The following PHF11 variants were observed in gnomAD, a reference collection of about 807,000 sequenced individuals.
PHF11 encodes the protein PHD finger protein 11.
PHF11 carries 38 observed loss-of-function variants against 40.5 expected under a neutral mutation model. The ratio of observed to expected loss-of-function variants is 0.94; its 90% CI spans 0.72 to 1.23. The LOEUF (loss-of-function observed/expected upper bound fraction) is 1.23. PHF11 is among the 50% of genes most tolerant of loss of function. PHF11 has a pLI of 0.00. For synonymous variants in PHF11, 127 were observed against 138.2 expected, an observed-to-expected ratio of 0.92 and a Z score of 0.57; for missense variants, 369 against 392.4, an observed-to-expected ratio of 0.94 and a Z score of 0.50.
intron 6 of PHF11, among the ~76,000 whole-genome samples, chr13:49,522,758 G>GTTTTTTTTTTTTTTTTTTTTTT (rs1200697917): frequency 2.8e-5 from 1 of 35,818 alleles, no homozygotes; most frequent in African/African-American, 7.1e-5. Flanking sequence ...ATGAATATGG[G>GTTTTTTTTTTTTTTTTTTTTTT]GTTTTTTTGT....
At position 49,522,063 on chromosome 13, in the gene PHF11, A is replaced by G; in HGVS notation, c.526A>G (p.Arg176Gly). The change falls in exon 6 of 10, where the codon AGA (arginine) becomes GGA (glycine). Residue 176 changes from arginine to glycine, a missense_variant. Transcript: ENST00000378319. Reference sequence around the variant, plus strand: ...TTTAGCTAAATTTTCAGGAGTGAAAAGAAAAAGAGGAAGGAAGAAACCCCT... The same window carrying G: ...TTTAGCTAAATTTTCAGGAGTGAAAGGAAAAAGAGGAAGGAAGAAACCCCT... ...AQSAKFSGVK[R>G]KRGRKKPLSG... 6.5e-7 allele frequency: 1 copy of G among 1,549,814 alleles called. No individual in the cohort carries two copies. Among genetic ancestry groups the G allele is most frequent in the Non-Finnish European group, 8.9e-7 (1 of 1,123,432 alleles).
At chr13:49,503,484 C>A (rs191750818) in intron 1 of PHF11, among the ~76,000 whole-genome samples, 1 of 152,324 alleles carries the variant, frequency 6.6e-6, no homozygotes, top group East Asian at 1.9e-4. Flanking sequence ...CATTTCTTTA[C>A]GTCCTCTGCT....
Position 49,526,435 on chromosome 13 carries a change from A to G in PHF11, c.818A>G (p.Asp273Gly). 6.2e-7 allele frequency: 1 copy of G among 1,606,830 alleles called. No individual in the cohort carries two copies. The highest frequency in any genetic ancestry group is 8.5e-7 in the Non-Finnish European group (1 of 1,173,400). The stretch of plus-strand genomic sequence containing the variant: ...CTTTTTGACTGTAGATTGTTCGAAG[A>G]CACATTTGTAAATTTTCAAGCAGGT... ...SALFDCRLFE[D>G]TFVNFQAAIE... Residue 273 changes from aspartate to glycine, a missense_variant, in exon 9 of 10, where the codon GAC becomes GGC. Asp to Gly is a moderately conservative substitution (Grantham distance 94, BLOSUM62 -1). Transcript: ENST00000378319.
chr13:49,513,048 C>T lies in PHF11; in HGVS notation c.217-11C>T. 6 of 1,337,098 alleles carry T rather than the reference C, an allele frequency of 4.5e-6. No individual in the cohort carries two copies. The highest frequency in any genetic ancestry group is 3.9e-5 in the Admixed American group (2 of 50,922). The allele number at this position is 1,337,098 out of a possible 1,614,324, so 82.8% of individuals were successfully genotyped here. On this transcript the variant is annotated splice_polypyrimidine_tract_variant and intron_variant, in intron 2 of 9. Transcript: ENST00000378319. ...TTGTGCATACTCTGGATTTTTTTTT[C>T]CAATCTGCAGCTGTATTCTTCAGGA...
chr13:49,518,260 T>C, intron 4 of PHF11, 109 bp downstream of exon 4: 2 of 732,472 alleles, frequency 2.7e-6, no homozygotes, highest in Non-Finnish European at 2.1e-6. Context: ...GGTTTTCAAA[T>C]GAGAACAAAG....
At chr13:49,526,549 T>C (rs1959290608) in intron 9 of PHF11, 91 bp downstream of exon 9, 1 of 765,422 alleles carries the variant, frequency 1.3e-6, no homozygotes, top group African/African-American at 1.8e-5. Flanking sequence ...GATAAAAATA[T>C]TTTAGAAGAA....
chr13:49,512,243 G>T (rs1440485670), intron 2 of PHF11, among the ~76,000 whole-genome samples: 1 of 152,086 alleles, frequency 6.6e-6, no homozygotes, highest in Non-Finnish European at 1.5e-5. Context: ...TCTTATTATT[G>T]AGTTGTAAGT....
intron 4 of PHF11, chr13:49,518,866 C>T (rs1594216471): frequency 6.9e-6 from 1 of 145,242 alleles, no homozygotes; most frequent in African/African-American, 2.6e-5. Flanking sequence ...GACAGAGTCT[C>T]GCTCTGTCGC....
intron 7 of PHF11, chr13:49,523,543 C>A: frequency 2.6e-6 from 1 of 382,504 alleles, no homozygotes; most frequent in Non-Finnish European, 4.7e-6. Flanking sequence ...CACTGTGACC[C>A]CTGTAACTGT....
chr13:49,502,649 C>T (rs982326649), intron 1 of PHF11, among the ~76,000 whole-genome samples: 1 of 152,220 alleles, frequency 6.6e-6, no homozygotes, highest in Non-Finnish European at 1.5e-5. Flanking sequence ...ATCCACTTCT[C>T]TCTGCATTTC....
At chr13:49,509,898 A>C (rs1313108950) in intron 2 of PHF11, among the ~76,000 whole-genome samples, 1 of 152,238 alleles carries the variant, frequency 6.6e-6, no homozygotes, top group Non-Finnish European at 1.5e-5. Flanking sequence ...TGACTAATAC[A>C]CAAGGACATT....
chr13:49,526,354 T>C (rs959024863), intron 8 of PHF11, 33 bp from the exon 9 acceptor site: 1 of 1,393,940 alleles, frequency 7.2e-7, no homozygotes, highest in Admixed American at 1.7e-5. Flanking sequence ...CTATACAAAC[T>C]GTTTAATATT....
intron 2 of PHF11, among the ~76,000 whole-genome samples, chr13:49,511,706 A>G (rs1959085260): frequency 6.6e-6 from 1 of 151,968 alleles, no homozygotes; most frequent in Non-Finnish European, 1.5e-5. Flanking sequence ...TTGTTTTGTT[A>G]CTTTTTTCTA....
intron 6 of PHF11, among the ~76,000 whole-genome samples, chr13:49,522,956 G>C (rs1371176226): frequency 6.6e-6 from 1 of 151,858 alleles, no homozygotes; most frequent in Admixed American, 6.6e-5. Flanking sequence ...GTAGCAACAA[G>C]GTTTCACCCT....
chr13:49,524,496 C>T (rs1243948651), intron 8 of PHF11, among the ~76,000 whole-genome samples: 4 of 147,740 alleles, frequency 2.7e-5, no homozygotes, highest in Non-Finnish European at 5.9e-5. Flanking sequence ...TTTTTTAAGA[C>T]GGAGTTTCGC....
intron 3 of PHF11, among the ~76,000 whole-genome samples, chr13:49,515,726 C>T (rs912701261): frequency 1.3e-5 from 2 of 152,120 alleles, no homozygotes; most frequent in Admixed American, 1.3e-4. Context: ...AGTACTGACA[C>T]TCGCCCGACT....
chr13:49,515,453 TATACACACACACACACACACACACACAC>T (rs1959138694), intron 3 of PHF11, among the ~76,000 whole-genome samples: 1 of 98,830 alleles, frequency 1.0e-5, no homozygotes, highest in African/African-American at 4.3e-5. Flanking sequence ...TTCCATCTCC[TATACACACACACACACACACACACACAC>T]ACACACACAC....
chr13:49,524,908 T>G (rs988349766), intron 8 of PHF11, among the ~76,000 whole-genome samples: 2 of 152,198 alleles, frequency 1.3e-5, no homozygotes, highest in Admixed American at 6.5e-5. Context: ...TGGTACATTT[T>G]CCAGAGGTGT....
At chr13:49,508,157 A>G (rs1959032218) in intron 2 of PHF11, among the ~76,000 whole-genome samples, 1 of 134,890 alleles carries the variant, frequency 7.4e-6, no homozygotes, top group African/African-American at 2.7e-5. Flanking sequence ...GCATTCATAT[A>G]TTATATGTAT....
Sources: gnomAD v4.1 joint callset for allele counts (sites outside exome capture counted in the v4.1 genomes callset) on GRCh38, gnomAD v4.1.1 for gene constraint, MANE v1.5 for transcripts, NCBI Gene and HGNC (gene_info 2026-07-23, HGNC 2026-07-21) for gene names.